Variants in NFIX observed in about 807,000 individuals in gnomAD.
NFIX encodes nuclear factor 1 X-type.
Under a neutral mutation model 53.3 loss-of-function variants are expected in NFIX, and 2 were observed. The observed-to-expected ratio is 0.04, with a 90% confidence interval of 0.02 to 0.12. NFIX has a LOEUF of 0.12. Among genes scored for constraint, NFIX ranks in the 10% least tolerant of loss-of-function variants. NFIX has a pLI of 1.00. For missense variants in NFIX, 310 were observed against 674.5 expected (o/e 0.46, Z 5.99); for synonymous variants, 244 against 289.0 (o/e 0.84, Z 1.58).
Position 13,001,778 on chromosome 19 carries a change from C to A in NFIX, c.27+5914C>A, listed in dbSNP as rs2011712504. ...CGCCTCTCCTGGGCATTCCCTTGGCCTCCGAGCACCATGTGAGATGCCTGC... is the reference window on the plus strand; with the variant it reads ...CGCCTCTCCTGGGCATTCCCTTGGCATCCGAGCACCATGTGAGATGCCTGC... On this transcript the variant is annotated intron_variant, in intron 1 of 10. Coordinates refer to ENST00000592199, the MANE Select transcript of NFIX (RefSeq NM_001365902.3). The surrounding 1 kb of genome is among the most constrained non-coding windows in gnomAD (Gnocchi z 6.5). 6.6e-6 allele frequency among the ~76,000 whole-genome samples: 1 copy of A among 152,230 alleles called. No homozygotes were observed. Among genetic ancestry groups the A allele is most frequent in the African/African-American group, 2.4e-5 (1 of 41,468 alleles).
In NFIX at chr19:13,036,725, T is replaced by C. The variant is rs1599760831; in HGVS notation, c.559+11173T>C. Among the ~76,000 whole-genome samples, 1 of 151,648 alleles carries C rather than the reference T, an allele frequency of 6.6e-6. No homozygotes were observed. The highest frequency in any genetic ancestry group is 1.5e-5 in the Non-Finnish European group (1 of 67,908). ...GGTGGCCCAGAATACAGACAGGGGG[T>C]GTAATAAGTGTATATCCTCTGGCTA... On this transcript the variant is annotated intron_variant, in intron 2 of 10. Coordinates refer to ENST00000592199, the MANE Select transcript of NFIX (RefSeq NM_001365902.3). The surrounding 1 kb of genome is among the most constrained non-coding windows in gnomAD (Gnocchi z 4.7).
intron 2 of NFIX, among the ~76,000 whole-genome samples, chr19:13,046,113 A>G (rs1166114628): frequency 2.0e-5 from 3 of 152,124 alleles, no homozygotes; most frequent in African/African-American, 7.2e-5. Flanking sequence ...TCCACCATTC[A>G]TTCCTGTTGA....
Position 13,040,459 on chromosome 19 carries a change from G to C in NFIX, c.559+14907G>C, listed in dbSNP as rs1220984738. ...CACGCTAGCCTGGTGGATGCCCTGCGGCAGGGATTGGCAGGGATCAGTCCT... is the reference window on the plus strand; with the variant it reads ...CACGCTAGCCTGGTGGATGCCCTGCCGCAGGGATTGGCAGGGATCAGTCCT... On this transcript the variant is annotated intron_variant, in intron 2 of 10. Transcript: ENST00000592199. This position sits in a 1 kb window ranked among gnomAD's most constrained non-coding sequence, Gnocchi z 4.2. Among the ~76,000 whole-genome samples, 4 of 152,212 alleles carry C rather than the reference G, an allele frequency of 2.6e-5. No individual in the cohort carries two copies. Among genetic ancestry groups the C allele is most frequent in the African/African-American group, 4.8e-5 (2 of 41,452 alleles).
chr19:13,020,222 TCCA>T (rs1436585205), intron 1 of NFIX, among the ~76,000 whole-genome samples: 1 of 152,172 alleles, frequency 6.6e-6, no homozygotes, highest in Non-Finnish European at 1.5e-5. Context: ...AACAGGAGCC[TCCA>T]CTCTTTAACA....
chr19:13,082,033 T>A (rs2017501136), intron 8 of NFIX, 178 bp downstream of exon 8: 2 of 670,372 alleles, frequency 3.0e-6, no homozygotes, highest in Non-Finnish European at 5.0e-6. Context: ...GGTCTGTGTA[T>A]TATGCCAGGG....
intron 2 of NFIX, among the ~76,000 whole-genome samples, chr19:13,032,435 T>C (rs2013887823): frequency 6.6e-6 from 1 of 152,234 alleles, no homozygotes; most frequent in Admixed American, 6.5e-5. Context: ...CTGAGGTGTC[T>C]GGCACATGAC....
chr19:13,077,450 C>T (rs1443719967), intron 6 of NFIX, among the ~76,000 whole-genome samples: 1 of 152,174 alleles, frequency 6.6e-6, no homozygotes, highest in East Asian at 1.9e-4. Flanking sequence ...TGGGGAGGCA[C>T]TGTGCGGCCA....
chr19:13,073,001 G>A lies in NFIX; in HGVS notation c.560-46G>A. The A allele has an allele frequency of 6.3e-7, 1 of 1,587,864 alleles. No individual in the cohort carries two copies. The highest frequency in any genetic ancestry group is 2.2e-5 in the East Asian group (1 of 44,738). On this transcript the variant is annotated intron_variant, in intron 2 of 10. Transcript: ENST00000592199. This position sits in a 1 kb window ranked among gnomAD's most constrained non-coding sequence, Gnocchi z 4.5. ...GGCCAATGCTTGGCTGGTGCTTATG[G>A]GGAACTTTGCTCCTGATACATTCTC...
chr19:13,072,910 G>A lies in NFIX; in HGVS notation c.560-137G>A. The A allele has an allele frequency of 1.2e-6, 1 of 827,328 alleles. No individual in the cohort carries two copies. The highest frequency in any genetic ancestry group is 1.4e-5 in the South Asian group (1 of 72,188). The allele number at this position is 827,328 out of a possible 1,614,324, so 51.2% of individuals were successfully genotyped here. On this transcript the variant is annotated intron_variant, in intron 2 of 10. Coordinates refer to ENST00000592199, the MANE Select transcript of NFIX (RefSeq NM_001365902.3). This position sits in a 1 kb window ranked among gnomAD's most constrained non-coding sequence, Gnocchi z 4.0. ...CGGAGCCTCCTGGGGCTGGTTTGGG[G>A]AGAGGGTGGGGTGAAGGTTTCTGTA...
At chr19:13,024,774 C>G in intron 1 of NFIX, 4 of 1,500,180 alleles carry the variant, frequency 2.7e-6, no homozygotes, top group Admixed American at 3.9e-5. Context: ...GCTCCCGGTG[C>G]CTCTGTCTGG....
Position 13,094,185 on chromosome 19 carries a change from C to G in NFIX, c.1495-450C>G, listed in dbSNP as rs1315117691. On this transcript the variant is annotated intron_variant, in intron 10 of 10. Coordinates refer to ENST00000592199, the MANE Select transcript of NFIX (RefSeq NM_001365902.3). The surrounding 1 kb of genome is among the most constrained non-coding windows in gnomAD (Gnocchi z 4.3). ...ATAGATGGGAATTTCTGCTTTTAATCCAAAGAGACAGAAAGAAAACTCAGC... is the reference window on the plus strand; with the variant it reads ...ATAGATGGGAATTTCTGCTTTTAATGCAAAGAGACAGAAAGAAAACTCAGC... Among the ~76,000 whole-genome samples, 1 of 152,218 alleles carries G rather than the reference C, an allele frequency of 6.6e-6. No homozygotes were observed. Among genetic ancestry groups the G allele is most frequent in the Non-Finnish European group, 1.5e-5 (1 of 68,036 alleles).
chr19:12,996,138 T>C lies in NFIX; in HGVS notation c.27+274T>C, dbSNP rs2011457862. 8.1e-6 allele frequency among the ~76,000 whole-genome samples: 1 copy of C among 123,086 alleles called. No individual in the cohort carries two copies. The highest frequency in any genetic ancestry group is 3.2e-4 in the South Asian group (1 of 3,166). The allele number at this position is 123,086 out of a possible 152,430, so 80.7% of individuals were successfully genotyped here. A position where few individuals can be genotyped will look rare whatever the true frequency, so the allele number is the denominator to read the frequency against. ...CCCGTGGAGCGCAGGCGGGAGTGCG[T>C]GTACGTGTGTGTGTGTGTGTGTGTG... On this transcript the variant is annotated intron_variant, in intron 1 of 10. Transcript: ENST00000592199. The surrounding 1 kb of genome is among the most constrained non-coding windows in gnomAD (Gnocchi z 5.2).
rs1267240758 is a variant in NFIX, at chr19:12,998,874, C to T, written c.27+3010C>T. 3.3e-5 allele frequency among the ~76,000 whole-genome samples: 5 copies of T among 152,270 alleles called. No individual in the cohort carries two copies. Among genetic ancestry groups the T allele is most frequent in the Non-Finnish European group, 2.9e-5 (2 of 68,030 alleles). ...GACACAGCAGTACCTCTTTGACGCA[C>T]GTATGGACACAGGAAACTGTGGACT... On this transcript the variant is annotated intron_variant, in intron 1 of 10. Coordinates refer to ENST00000592199, the MANE Select transcript of NFIX (RefSeq NM_001365902.3). This position sits in a 1 kb window ranked among gnomAD's most constrained non-coding sequence, Gnocchi z 4.4.
chr19:13,074,806 A>C (rs755939472), intron 5 of NFIX, among the ~76,000 whole-genome samples: 131 of 151,342 alleles, frequency 8.7e-4, no homozygotes, highest in Non-Finnish European at 1.5e-3. Context: ...TCGGTGGCTC[A>C]CGCCTGTAAT....
chr19:13,010,965 A>G (rs1290885248), intron 1 of NFIX, among the ~76,000 whole-genome samples: 3 of 152,158 alleles, frequency 2.0e-5, no homozygotes, highest in Non-Finnish European at 4.4e-5. Flanking sequence ...TGCATGTGCT[A>G]TATTTATATT....
chr19:13,022,001 A>C lies in NFIX; in HGVS notation c.28-3020A>C, dbSNP rs535312777. On this transcript the variant is annotated intron_variant, in intron 1 of 10. Transcript: ENST00000592199. The surrounding 1 kb of genome is among the most constrained non-coding windows in gnomAD (Gnocchi z 4.5). ...TGCTAGGGTTTGGGCTCTTTAGTCT[A>C]AATTGATTTGGGAGACAGGTAAGAA... 6.6e-6 allele frequency among the ~76,000 whole-genome samples: 1 copy of C among 152,240 alleles called. No homozygotes were observed. Among genetic ancestry groups the C allele is most frequent in the East Asian group, 1.9e-4 (1 of 5,182 alleles).
chr19:13,015,763 G>A (rs1330524887), intron 1 of NFIX, among the ~76,000 whole-genome samples: 2 of 151,794 alleles, frequency 1.3e-5, no homozygotes, highest in African/African-American at 4.9e-5. Context: ...CTGTTGATGG[G>A]ATCAGAGTTG....
chr19:13,027,077 T>G lies in NFIX; in HGVS notation c.559+1525T>G, dbSNP rs192676234. ...ATCTAGACTAGAGTGAGCCCTGAGT[T>G]TACATGTTGGAGAACTGTGGAGAGG... On this transcript the variant is annotated intron_variant, in intron 2 of 10. Transcript: ENST00000592199. This position sits in a 1 kb window ranked among gnomAD's most constrained non-coding sequence, Gnocchi z 4.3. Among the ~76,000 whole-genome samples, 235 of 152,260 alleles carry G rather than the reference T, an allele frequency of 1.5e-3. 2 individuals are homozygous for G. Among genetic ancestry groups the G allele is most frequent in the African/African-American group, 5.4e-3 (226 of 41,536 alleles).
chr19:13,048,969 C>T (rs954797167), intron 2 of NFIX, among the ~76,000 whole-genome samples: 9 of 151,978 alleles, frequency 5.9e-5, no homozygotes, highest in Non-Finnish European at 7.4e-5. Flanking sequence ...CCCAGCTACT[C>T]GGGAGGCTGA....
Sources: allele counts gnomAD v4.1 joint callset (sites outside exome capture counted in the v4.1 genomes callset), GRCh38; gene constraint gnomAD v4.1.1; non-coding constraint Gnocchi (gnomAD v3.1); transcripts MANE v1.5; gene names NCBI Gene and HGNC (gene_info 2026-07-23, HGNC 2026-07-21).